The following FBXL4 variants were observed in gnomAD, a reference collection of about 807,000 sequenced individuals.
FBXL4 encodes F-box and leucine rich repeat protein 4.
Under a neutral mutation model 58.9 loss-of-function variants are expected in FBXL4, and 40 were observed. That is an observed-to-expected ratio of 0.68 (90% confidence interval 0.53 to 0.88). The LOEUF (loss-of-function observed/expected upper bound fraction) is 0.88. FBXL4 is among the 40% of genes least tolerant of loss of function. The pLI, the probability that FBXL4 is intolerant of heterozygous loss-of-function variation, is 0.00. For missense variants in FBXL4, 676 were observed against 734.4 expected (o/e 0.92, Z 0.92); for synonymous variants, 263 against 265.5 (o/e 0.99, Z 0.09).
chr6:98,942,894 AG>A (rs1309940694), intron 1 of FBXL4, among the ~76,000 whole-genome samples: 3 of 152,108 alleles, frequency 2.0e-5, no homozygotes, highest in African/African-American at 4.8e-5. Context: ...CTTGCAGGAG[AG>A]GGGAAAAAAT....
chr6:98,908,111 A>G (rs1341599277), intron 5 of FBXL4, among the ~76,000 whole-genome samples: 3 of 152,200 alleles, frequency 2.0e-5, no homozygotes, highest in Non-Finnish European at 4.4e-5. Context: ...ACAAACAAAA[A>G]TCAAAAATTT....
chr6:98,893,793 AT>A (rs55928779), intron 7 of FBXL4, among the ~76,000 whole-genome samples: 76 of 150,636 alleles, frequency 5.0e-4, no homozygotes, highest in Non-Finnish European at 8.3e-4. Context: ...ATAAGAAATC[AT>A]TTTTTTTTTC....
chr6:98,930,894 T>C (rs1772987870), intron 2 of FBXL4, among the ~76,000 whole-genome samples: 1 of 152,228 alleles, frequency 6.6e-6, no homozygotes. Context: ...AAGTTGACTA[T>C]TCTCTTTTCA....
Position 98,874,303 on chromosome 6 carries a change from A to G in FBXL4, c.1841T>C (p.Phe614Ser). Residue 614 changes from phenylalanine (F) to serine (S), a missense_variant, in exon 10 of 10, where the codon TTC (phenylalanine) becomes TCC (serine). Transcript: ENST00000369244. ...TCACTGAGTAAAGCTCTTTTTTATGAACACTTTTGGAAAGCTTGCATTCAG... is the reference window on the plus strand; with the variant it reads ...TCACTGAGTAAAGCTCTTTTTTATGGACACTTTTGGAAAGCTTGCATTCAG... ...LELNASFPKV[F>S]IKKSFTQ The G allele has an allele frequency of 6.3e-7, 1 of 1,599,854 alleles. No individual in the cohort carries two copies. Among genetic ancestry groups the G allele is most frequent in the Non-Finnish European group, 8.5e-7 (1 of 1,176,208 alleles).
Position 98,872,530 on chromosome 6 carries a change from C to G in FBXL4, c.*1748G>C, listed in dbSNP as rs918969411. 1 of 151,998 alleles carries G rather than the reference C, an allele frequency of 6.6e-6. No homozygotes were observed. The highest frequency in any genetic ancestry group is 2.1e-4 in the South Asian group (1 of 4,824). The allele number at this position is 151,998 out of a possible 1,614,324, so 9.4% of individuals were successfully genotyped here. ...ATATTTAATTCTTTTCATTAGTAAA[C>G]CCGTATTACAAAAAAAATTGTTCTA... On this transcript the variant is annotated 3_prime_UTR_variant, in exon 10 of 10. Transcript: ENST00000369244.
At chr6:98,915,202 C>T (rs195815) in intron 5 of FBXL4, among the ~76,000 whole-genome samples, 103,595 of 150,700 alleles carry the variant, frequency 0.69, 36,406 homozygotes, top group African/African-American at 0.84. Context: ...ATTCCATGCT[C>T]ATGGGTAGGA....
At chr6:98,932,202 T>C (rs1773039257) in intron 2 of FBXL4, among the ~76,000 whole-genome samples, 1 of 152,186 alleles carries the variant, frequency 6.6e-6, no homozygotes, top group South Asian at 2.1e-4. Flanking sequence ...TTAGAATAAG[T>C]CAGAATTAGG....
At position 98,868,666 on chromosome 6, in the gene FBXL4, T is replaced by C. The variant is rs1770415766; in HGVS notation, c.*5612A>G. On this transcript the variant is annotated 3_prime_UTR_variant, in exon 10 of 10. Coordinates refer to ENST00000369244, the MANE Select transcript of FBXL4 (RefSeq NM_001278716.2). ...CAGTCGTCTGTACAGACAACTTCAT[T>C]TGTAACAGAGACTTGTTTTATCTTT... 2.0e-5 allele frequency: 3 copies of C among 152,220 alleles called. No homozygotes were observed. The highest frequency in any genetic ancestry group is 4.4e-5 in the Non-Finnish European group (3 of 68,040). The allele number at this position is 152,220 out of a possible 1,614,324, so 9.4% of individuals were successfully genotyped here. A position where few individuals can be genotyped will look rare whatever the true frequency, so the allele number is the denominator to read the frequency against.
chr6:98,897,318 T>C lies in FBXL4; in HGVS notation c.1317+1950A>G, dbSNP rs199666651. 30 of 985,126 alleles carry C rather than the reference T, an allele frequency of 3.0e-5. No homozygotes were observed. The East Asian group carries it at 2.8e-3, about 93-fold the overall frequency. 61.0% of individuals were successfully genotyped at this position (985,126 alleles called of 1,614,324 possible). ...GCTAGCAATTTTATACCCACACAAA[T>C]GGGGAGTCATTTCACCACAGACCAA... is the stretch of plus-strand genomic sequence containing the variant. On this transcript the variant is annotated intron_variant, in intron 7 of 9. Coordinates refer to ENST00000369244, the MANE Select transcript of FBXL4 (RefSeq NM_001278716.2).
At chr6:98,888,657 A>T (rs1771119987) in intron 7 of FBXL4, among the ~76,000 whole-genome samples, 1 of 152,238 alleles carries the variant, frequency 6.6e-6, no homozygotes, top group Non-Finnish European at 1.5e-5. Flanking sequence ...CTAAAATATA[A>T]TTAAAATAGC....
intron 4 of FBXL4, among the ~76,000 whole-genome samples, chr6:98,919,438 G>A (rs1031866078): frequency 2.0e-5 from 3 of 152,162 alleles, no homozygotes; most frequent in African/African-American, 7.2e-5. Context: ...CATTAAAGTA[G>A]CAATGGATAA....
intron 5 of FBXL4, among the ~76,000 whole-genome samples, chr6:98,907,097 T>C (rs941555360): frequency 2.0e-5 from 3 of 152,128 alleles, no homozygotes; most frequent in African/African-American, 4.8e-5. Flanking sequence ...ATCGCAAAAA[T>C]TTTCTCCCAT....
Position 98,871,817 on chromosome 6 carries a change from T to C in FBXL4, c.*2461A>G, listed in dbSNP as rs1300725282. On this transcript the variant is annotated 3_prime_UTR_variant, in exon 10 of 10. Transcript: ENST00000369244. ...GAATATGCTGATTTGCCCAACCACA[T>C]TGGCATAATAGTGTTAGTTCTATTG... is the stretch of plus-strand genomic sequence containing the variant. The C allele has an allele frequency of 3.3e-5, 5 of 152,154 alleles. No individual in the cohort carries two copies. The highest frequency in any genetic ancestry group is 3.8e-4 in the East Asian group (2 of 5,198). The allele number at this position is 152,154 out of a possible 1,614,324, so 9.4% of individuals were successfully genotyped here. A position where few individuals can be genotyped will look rare whatever the true frequency, so the allele number is the denominator to read the frequency against.
At chr6:98,922,958 G>A (rs1772637904) in intron 4 of FBXL4, among the ~76,000 whole-genome samples, 1 of 152,114 alleles carries the variant, frequency 6.6e-6, no homozygotes, top group African/African-American at 2.4e-5. Flanking sequence ...CCATTCACAT[G>A]CACATCCCCC....
intron 2 of FBXL4, among the ~76,000 whole-genome samples, chr6:98,928,027 T>C (rs1053591034): frequency 7.2e-5 from 11 of 152,148 alleles, no homozygotes; most frequent in Non-Finnish European, 7.3e-5. Flanking sequence ...TATAAAGAGG[T>C]TGCAAACTCA....
intron 5 of FBXL4, among the ~76,000 whole-genome samples, chr6:98,910,667 A>AG (rs1772008517): frequency 6.6e-6 from 1 of 151,900 alleles, no homozygotes; most frequent in Non-Finnish European, 1.5e-5. Context: ...GAAAAAAAAA[A>AG]GAAAAAAAAA....
chr6:98,896,638 A>T (rs1771418918), intron 7 of FBXL4: 1 of 413,480 alleles, frequency 2.4e-6, no homozygotes, highest in African/African-American at 2.2e-5. Context: ...CAGTTTTATA[A>T]TTTTTTTCTA....
intron 1 of FBXL4, among the ~76,000 whole-genome samples, chr6:98,947,512 C>T (rs955362945): frequency 6.6e-6 from 1 of 152,240 alleles, no homozygotes; most frequent in Non-Finnish European, 1.5e-5. Context: ...GTAAACAACC[C>T]TGAGCCGCGC....
Position 98,872,704 on chromosome 6 carries a change from C to G in FBXL4, c.*1574G>C, listed in dbSNP as rs1770525475. On this transcript the variant is annotated 3_prime_UTR_variant, in exon 10 of 10. Coordinates refer to ENST00000369244, the MANE Select transcript of FBXL4 (RefSeq NM_001278716.2). ...ATCTGGCCCTTTATAGAAAAAGTTT[C>G]CTGACCTCTGCCCTAGAGCCAGAAG... 1 of 152,118 alleles carries G rather than the reference C, an allele frequency of 6.6e-6. No individual in the cohort carries two copies. Among genetic ancestry groups the G allele is most frequent in the African/African-American group, 2.4e-5 (1 of 41,398 alleles). 9.4% of individuals were successfully genotyped at this position (152,118 alleles called of 1,614,324 possible). A position where few individuals can be genotyped will look rare whatever the true frequency, so the allele number is the denominator to read the frequency against.
Sources: allele counts gnomAD v4.1 joint callset (sites outside exome capture counted in the v4.1 genomes callset), GRCh38; gene constraint gnomAD v4.1.1; transcripts MANE v1.5; gene names NCBI Gene and HGNC (gene_info 2026-07-23, HGNC 2026-07-21).